The following TMTC2 variants were observed in gnomAD, a reference collection of about 807,000 sequenced individuals.
TMTC2 encodes protein O-mannosyl-transferase TMTC2.
TMTC2 carries 43 observed loss-of-function variants against 82.4 expected under a neutral mutation model. That is an observed-to-expected ratio of 0.52 (90% CI 0.41 to 0.67). TMTC2 has a LOEUF of 0.67. Among genes scored for constraint, TMTC2 ranks in the 30% least tolerant of loss-of-function variants. The pLI is 0.00. For synonymous variants in TMTC2, 408 were observed against 381.9 expected (o/e 1.07, Z -0.80); for missense variants, 919 against 1,012.4 (o/e 0.91, Z 1.25).
At chr12:82,943,668 A>G (rs1442480604) in intron 4 of TMTC2, among the ~76,000 whole-genome samples, 1 of 152,222 alleles carries the variant, frequency 6.6e-6, no homozygotes, top group Non-Finnish European at 1.5e-5. Context: ...TTTTCACATA[A>G]TTCTGAGAAA....
chr12:82,744,982 ATT>A (rs1409980882), intron 1 of TMTC2, among the ~76,000 whole-genome samples: 1 of 152,042 alleles, frequency 6.6e-6, no homozygotes, highest in Non-Finnish European at 1.5e-5. Context: ...TTTGATGCTT[ATT>A]GGCTTTTCTT....
intron 8 of TMTC2, among the ~76,000 whole-genome samples, chr12:83,022,876 G>T (rs1391076627): frequency 6.6e-6 from 1 of 152,124 alleles, no homozygotes; most frequent in Non-Finnish European, 1.5e-5. Context: ...AACTTTTGTG[G>T]TTTAGATAAT....
chr12:83,063,299 T>G (rs976314878), intron 11 of TMTC2, among the ~76,000 whole-genome samples: 1 of 6,700 alleles, frequency 1.5e-4, no homozygotes, highest in Non-Finnish European at 2.8e-4. Flanking sequence ...GCAGTTTTGT[T>G]TTTTTTTTCA....
chr12:82,750,354 T>C (rs1373859434), intron 1 of TMTC2, among the ~76,000 whole-genome samples: 2 of 152,066 alleles, frequency 1.3e-5, no homozygotes, highest in African/African-American at 4.8e-5. Flanking sequence ...AGAGAAGAGA[T>C]GGCCCTGGAT....
chr12:82,920,264 T>G (rs1424141281), intron 3 of TMTC2, among the ~76,000 whole-genome samples: 1 of 152,186 alleles, frequency 6.6e-6, no homozygotes, highest in Non-Finnish European at 1.5e-5. Context: ...ATCAGAGATA[T>G]GAAATTGCAA....
chr12:82,968,499 T>C (rs1346765101), intron 7 of TMTC2, among the ~76,000 whole-genome samples: 2 of 152,298 alleles, frequency 1.3e-5, no homozygotes, highest in Non-Finnish European at 2.9e-5. Flanking sequence ...GTTTAACTTA[T>C]TATTTTATTC....
intron 10 of TMTC2, among the ~76,000 whole-genome samples, chr12:83,057,402 G>A (rs1177758876): frequency 1.3e-5 from 2 of 151,894 alleles, no homozygotes; most frequent in Non-Finnish European, 2.9e-5. Context: ...TGTCTTGACA[G>A]AGAAGTTTTC....
chr12:83,002,671 A>G (rs1224592812), intron 8 of TMTC2, among the ~76,000 whole-genome samples: 1 of 152,124 alleles, frequency 6.6e-6, no homozygotes, highest in Non-Finnish European at 1.5e-5. Context: ...AAAGTCATTC[A>G]GAAACAAGTT....
chr12:83,039,462 ATATATAT>A (rs1270569149), intron 9 of TMTC2, among the ~76,000 whole-genome samples: 1 of 151,896 alleles, frequency 6.6e-6, no homozygotes, highest in African/African-American at 2.4e-5. Context: ...TATTTGACAA[ATATATAT>A]TATATATTTG....
intron 2 of TMTC2, among the ~76,000 whole-genome samples, chr12:82,894,373 G>A (rs527588524): frequency 2.6e-5 from 4 of 152,308 alleles, no homozygotes; most frequent in Admixed American, 2.0e-4. Flanking sequence ...TGGAGGAGAA[G>A]TCTGAGGAGC....
At chr12:82,778,289 T>G (rs1877699898) in intron 1 of TMTC2, among the ~76,000 whole-genome samples, 1 of 152,184 alleles carries the variant, frequency 6.6e-6, no homozygotes, top group African/African-American at 2.4e-5. Context: ...TTATTATTTT[T>G]TTAAATATTG....
rs1872362539 is a variant in TMTC2 at position 82,687,369 on chromosome 12, G to T, written c.-218G>T. 1.7e-6 allele frequency: 1 copy of T among 577,154 alleles called. No homozygotes were observed. Among genetic ancestry groups the T allele is most frequent in the South Asian group, 2.0e-5 (1 of 50,134 alleles). 35.8% of individuals were successfully genotyped at this position (577,154 alleles called of 1,614,324 possible). On this transcript the variant is annotated 5_prime_UTR_variant, in exon 1 of 12. Transcript: ENST00000321196. ...GCCGGGCATGGGGAGTGTGGTGTGA[G>T]CCCGCACCCGGGGAGGACGCAGGAG... is the stretch of plus-strand genomic sequence containing the variant.
intron 8 of TMTC2, among the ~76,000 whole-genome samples, chr12:83,013,143 A>G (rs538236499): frequency 6.6e-6 from 1 of 152,260 alleles, no homozygotes; most frequent in African/African-American, 2.4e-5. Flanking sequence ...TAATTATTAC[A>G]AATATTAAAA....
At position 82,882,199 on chromosome 12, in the gene TMTC2, C is replaced by A. The variant is rs576800561; in HGVS notation, c.655-13619C>A. Reference sequence around the variant, plus strand: ...TATTTTTAGTAGAGACGGGGTTTCACCGTTTTAGCCGGGATGGTCTCGATC... The same window carrying A: ...TATTTTTAGTAGAGACGGGGTTTCAACGTTTTAGCCGGGATGGTCTCGATC... On this transcript the variant is annotated intron_variant, in intron 2 of 11. Transcript: ENST00000321196. 3.3e-5 allele frequency among the ~76,000 whole-genome samples: 5 copies of A among 151,458 alleles called. No homozygotes were observed. In the South Asian group the frequency reaches 1.0e-3, roughly 32 times the overall value.
At chr12:82,922,202 A>T (rs1875438427) in intron 3 of TMTC2, among the ~76,000 whole-genome samples, 1 of 152,240 alleles carries the variant, frequency 6.6e-6, no homozygotes, top group East Asian at 1.9e-4. Flanking sequence ...CTTTTAAAAG[A>T]TTATATGAAA....
At chr12:82,951,879 T>A (rs1481244055) in intron 4 of TMTC2, among the ~76,000 whole-genome samples, 1 of 152,178 alleles carries the variant, frequency 6.6e-6, no homozygotes, top group African/African-American at 2.4e-5. Context: ...TAACCAGTAT[T>A]TAACATAGTT....
intron 2 of TMTC2, among the ~76,000 whole-genome samples, chr12:82,862,417 G>A (rs1469770384): frequency 1.3e-5 from 2 of 152,042 alleles, no homozygotes; most frequent in African/African-American, 2.4e-5. Context: ...AGTTACAGGT[G>A]GAAAATTTTA....
At chr12:82,868,833 A>C (rs1451469110) in intron 2 of TMTC2, among the ~76,000 whole-genome samples, 1 of 151,802 alleles carries the variant, frequency 6.6e-6, no homozygotes, top group Non-Finnish European at 1.5e-5. Context: ...GGAAACGTTG[A>C]GTCTGGCTTT....
At chr12:82,796,257 G>A (rs1878713316) in intron 1 of TMTC2, among the ~76,000 whole-genome samples, 1 of 152,092 alleles carries the variant, frequency 6.6e-6, no homozygotes, top group Non-Finnish European at 1.5e-5. Flanking sequence ...ACTAGTGAGG[G>A]AAGAACATAG....
Sources: gnomAD v4.1 joint callset for allele counts (sites outside exome capture counted in the v4.1 genomes callset) on GRCh38, gnomAD v4.1.1 for gene constraint, MANE v1.5 for transcripts, NCBI Gene and HGNC (gene_info 2026-07-23, HGNC 2026-07-21) for gene names.